Variants in LRGUK observed in about 807,000 individuals in gnomAD.
LRGUK encodes leucine rich repeats and guanylate kinase domain containing, also known as leucine-rich repeat and guanylate kinase domain-containing protein.
Under a neutral mutation model 76.0 loss-of-function variants are expected in LRGUK, and 65 were observed. The observed-to-expected ratio is 0.85, with a 90% confidence interval of 0.70 to 1.05. The LOEUF is 1.05. Among genes scored for constraint, LRGUK ranks in the 50% least tolerant of loss-of-function variants. The pLI, the probability that LRGUK is intolerant of heterozygous loss-of-function variation, is 0.00. For synonymous variants in LRGUK, 268 were observed against 265.6 expected, an observed-to-expected ratio of 1.01 and a Z score of -0.09; for missense variants, 758 against 732.8, an observed-to-expected ratio of 1.03 and a Z score of -0.40.
chr7:134,263,835 T>A lies in LRGUK; in HGVS notation c.2348-10T>A, dbSNP rs746338795. Reference sequence around the variant, plus strand: ...GGGATTAACTATCTTTTTTTCTGAATGTTTTACAGCACTACCTATACAATC... The same window carrying A: ...GGGATTAACTATCTTTTTTTCTGAAAGTTTTACAGCACTACCTATACAATC... On this transcript the variant is annotated splice_polypyrimidine_tract_variant and intron_variant, in intron 19 of 19. Transcript: ENST00000285928. 15 of 1,596,766 alleles carry A rather than the reference T, an allele frequency of 9.4e-6. No individual in the cohort carries two copies. The South Asian group carries it at 1.4e-4, about 15-fold the overall frequency.
At chr7:134,220,660 C>G (rs576428222) in intron 15 of LRGUK, among the ~76,000 whole-genome samples, 2 of 151,836 alleles carry the variant, frequency 1.3e-5, no homozygotes, top group African/African-American at 4.8e-5. Context: ...CCTCTACCTC[C>G]TGATCTCAAG....
At chr7:134,194,447 T>C (rs956820807) in intron 12 of LRGUK, among the ~76,000 whole-genome samples, 30 of 152,090 alleles carry the variant, frequency 2.0e-4, no homozygotes, top group Non-Finnish European at 3.8e-4. Context: ...AGGATGTGTA[T>C]ATGTATAGCA....
downstream of LRGUK, among the ~76,000 whole-genome samples, chr7:134,211,961 T>G (rs998071311): frequency 6.6e-6 from 1 of 152,302 alleles, no homozygotes; most frequent in East Asian, 1.9e-4. Flanking sequence ...TCTAGGACTC[T>G]CACCACTTCT....
chr7:134,135,805 G>A (rs550508572), intron 1 of LRGUK, among the ~76,000 whole-genome samples: 48 of 152,260 alleles, frequency 3.2e-4, no homozygotes, highest in African/African-American at 1.1e-3. Flanking sequence ...CCAGGCGCCC[G>A]CCACCACATC....
At chr7:134,181,135 T>G (rs756377931) in intron 10 of LRGUK, among the ~76,000 whole-genome samples, 3 of 152,222 alleles carry the variant, frequency 2.0e-5, no homozygotes, top group Non-Finnish European at 4.4e-5. Context: ...GTTATATTGA[T>G]GTCCCTTGAG....
chr7:134,272,918 C>A, the LRGUK span, among the ~76,000 whole-genome samples: 1 of 152,182 alleles, frequency 6.6e-6, no homozygotes, highest in African/African-American at 2.4e-5. Context: ...AGTTTCTCCT[C>A]TCTTGCATTT....
chr7:134,182,359 C>T (rs1377463959), intron 10 of LRGUK, among the ~76,000 whole-genome samples: 5 of 152,182 alleles, frequency 3.3e-5, no homozygotes, highest in Non-Finnish European at 4.4e-5. Flanking sequence ...GCTGCCTGCT[C>T]TTGGCAGGTA....
chr7:134,180,626 G>A (rs1799699903), intron 10 of LRGUK, among the ~76,000 whole-genome samples: 1 of 151,710 alleles, frequency 6.6e-6, no homozygotes, highest in South Asian at 2.1e-4. Flanking sequence ...GTACCACAGT[G>A]GTATTAGAAT....
At chr7:134,194,849 C>G (rs546966949) in intron 12 of LRGUK, among the ~76,000 whole-genome samples, 4 of 152,296 alleles carry the variant, frequency 2.6e-5, no homozygotes, top group African/African-American at 7.2e-5. Context: ...AATGGGTTCA[C>G]CTTGCCCGCT....
the LRGUK span, among the ~76,000 whole-genome samples, chr7:134,271,827 T>C: frequency 1.3e-5 from 2 of 152,098 alleles, no homozygotes; most frequent in Admixed American, 1.3e-4. Flanking sequence ...GTAAATTGGA[T>C]GTTTTTAAAG....
At chr7:134,140,433 C>T (rs1455974060) in intron 3 of LRGUK, among the ~76,000 whole-genome samples, 1 of 152,070 alleles carries the variant, frequency 6.6e-6, no homozygotes, top group Non-Finnish European at 1.5e-5. Flanking sequence ...TGTTATGACA[C>T]CTTGTTCACA....
At chr7:134,178,461 A>G (rs1490253024) in intron 9 of LRGUK, 42 bp from the exon 10 acceptor site, 4 of 1,498,400 alleles carry the variant, frequency 2.7e-6, no homozygotes, top group East Asian at 4.6e-5. Flanking sequence ...CTTTTTAGAA[A>G]CAAAACTTTT....
chr7:134,264,309 T>C (rs1168656954), exon 20 of LRGUK: 1 of 190,810 alleles, frequency 5.2e-6, no homozygotes, highest in Non-Finnish European at 1.1e-5. Context: ...AAATATCAGA[T>C]GGAAAAATCT....
At chr7:134,253,590 A>G (rs1802498528) in intron 18 of LRGUK, among the ~76,000 whole-genome samples, 1 of 152,162 alleles carries the variant, frequency 6.6e-6, no homozygotes, top group South Asian at 2.1e-4. Flanking sequence ...CCAGGAGGGT[A>G]GATCACTTGA....
intron 15 of LRGUK, among the ~76,000 whole-genome samples, chr7:134,204,871 T>TA (rs1800935839): frequency 6.6e-6 from 1 of 152,182 alleles, no homozygotes; most frequent in Non-Finnish European, 1.5e-5. Flanking sequence ...GAGCCAACCA[T>TA]AGTTACCTTA....
intron 17 of LRGUK, 90 bp downstream of exon 17, chr7:134,247,734 C>A: frequency 1.0e-6 from 1 of 972,814 alleles, no homozygotes; most frequent in Non-Finnish European, 1.6e-6. Context: ...TAAACAGAGA[C>A]CTCTGTCCTA....
chr7:134,173,100 A>G (rs771730380), intron 7 of LRGUK, among the ~76,000 whole-genome samples: 24 of 149,980 alleles, frequency 1.6e-4, no homozygotes, highest in Middle Eastern at 3.5e-3. Flanking sequence ...TACAATAGAA[A>G]ACAATTGATC....
intron 7 of LRGUK, among the ~76,000 whole-genome samples, chr7:134,167,325 T>C (rs1799035151): frequency 6.6e-6 from 1 of 152,172 alleles, no homozygotes; most frequent in Non-Finnish European, 1.5e-5. Context: ...TTACAAACAA[T>C]TTTTGAACTC....
At chr7:134,250,100 C>A (rs991455779) in intron 18 of LRGUK, among the ~76,000 whole-genome samples, 3 of 152,144 alleles carry the variant, frequency 2.0e-5, no homozygotes, top group African/African-American at 7.2e-5. Context: ...CTCTGTGGAG[C>A]ATCCAAACGC....
Sources: allele counts gnomAD v4.1 joint callset (sites outside exome capture counted in the v4.1 genomes callset), GRCh38; gene constraint gnomAD v4.1.1; transcripts MANE v1.5; gene names NCBI Gene and HGNC (gene_info 2026-07-23, HGNC 2026-07-21).